The following ANK3 variants were observed in gnomAD, a reference collection of about 807,000 sequenced individuals.
The protein encoded by ANK3 is ankyrin-3.
Under a neutral mutation model 370.9 loss-of-function variants are expected in ANK3, and 57 were observed. That is an observed-to-expected ratio of 0.15 (90% CI 0.12 to 0.19). The LOEUF is 0.19. ANK3 is among the 10% of genes least tolerant of loss of function. The pLI, the probability that ANK3 is intolerant of heterozygous loss-of-function variation, is 1.00. For missense variants in ANK3, 4,439 were observed against 5,302.1 expected (o/e 0.84, Z 5.06); for synonymous variants, 1,929 against 1,946.3 (o/e 0.99, Z 0.23).
intron 2 of ANK3, among the ~76,000 whole-genome samples, chr10:60,573,904 G>C (rs1347113482): frequency 1.3e-5 from 2 of 152,106 alleles, no homozygotes; most frequent in Non-Finnish European, 2.9e-5. Flanking sequence ...AATCATATCA[G>C]TTCCACACAC....
At chr10:60,652,765 C>G (rs1007815615) in intron 1 of ANK3, among the ~76,000 whole-genome samples, 3 of 150,296 alleles carry the variant, frequency 2.0e-5, no homozygotes, top group African/African-American at 2.4e-5. Flanking sequence ...AACTTTGAAC[C>G]AGGAAGTAGT....
At chr10:60,346,228 C>G (rs1332660150) in intron 1 of ANK3, among the ~76,000 whole-genome samples, 3 of 151,788 alleles carry the variant, frequency 2.0e-5, no homozygotes, top group Non-Finnish European at 4.4e-5. Context: ...AATGCAAAAG[C>G]CACAGGGAAT....
chr10:60,333,528 T>C (rs2051957550), intron 1 of ANK3, among the ~76,000 whole-genome samples: 1 of 152,216 alleles, frequency 6.6e-6, no homozygotes, highest in Admixed American at 6.5e-5. Context: ...ATGTGGCATA[T>C]TTTGTTTAAC....
intron 1 of ANK3, among the ~76,000 whole-genome samples, chr10:60,625,723 T>C (rs1048330095): frequency 2.6e-5 from 4 of 152,176 alleles, no homozygotes; most frequent in African/African-American, 9.6e-5. Context: ...TCATGTAGTT[T>C]TGTTTTATTT....
intron 1 of ANK3, among the ~76,000 whole-genome samples, chr10:60,292,251 T>C (rs552593633): frequency 9.3e-4 from 141 of 152,318 alleles, no homozygotes; most frequent in African/African-American, 3.3e-3. Context: ...AAGTATGTTT[T>C]GCAGGTGTAT....
intron 8 of ANK3, among the ~76,000 whole-genome samples, chr10:60,225,963 T>C (rs944974159): frequency 4.7e-5 from 7 of 148,928 alleles, no homozygotes; most frequent in African/African-American, 1.7e-4. Flanking sequence ...TTTAACTTAC[T>C]AGTGTGAATA....
chr10:60,668,752 G>C (rs1017632868), intron 1 of ANK3, among the ~76,000 whole-genome samples: 1 of 152,100 alleles, frequency 6.6e-6, no homozygotes, highest in African/African-American at 2.4e-5. Flanking sequence ...CCAGCACTTT[G>C]GGAGGCTGAG....
intron 1 of ANK3, among the ~76,000 whole-genome samples, chr10:60,287,905 TTG>T (rs2040396692): frequency 6.6e-6 from 1 of 152,182 alleles, no homozygotes; most frequent in Non-Finnish European, 1.5e-5. Flanking sequence ...GTTTAATAGA[TTG>T]CTGTTTTATA....
In ANK3 at chr10:60,071,478, T is replaced by C. The variant is rs1478564654; in HGVS notation, c.9403A>G (p.Thr3135Ala). 6.2e-7 allele frequency: 1 copy of C among 1,613,954 alleles called. No homozygotes were observed. Among genetic ancestry groups the C allele is most frequent in the Admixed American group, 1.7e-5 (1 of 59,986 alleles). The change falls in exon 37 of 44, where the codon ACT (threonine) becomes GCT (alanine). Residue 3135 changes from threonine to alanine, a missense_variant. Coordinates refer to ENST00000280772, the MANE Select transcript of ANK3 (RefSeq NM_020987.5). ...VQETRGTFYT[T>A]RQQKQPPSPQ... The stretch of plus-strand genomic sequence containing the variant: ...GAAGGAGGTTGCTTTTGCTGTCTAG[T>C]TGTATAAAAGGTCCCCCTGGTTTCT...
intron 2 of ANK3, among the ~76,000 whole-genome samples, chr10:60,481,190 A>G (rs1190465948): frequency 6.6e-6 from 1 of 152,190 alleles, no homozygotes; most frequent in Non-Finnish European, 1.5e-5. Flanking sequence ...CTGTTTGTCA[A>G]ACAGTAGCAA....
intron 18 of ANK3, among the ~76,000 whole-genome samples, chr10:60,176,870 T>C (rs1289518153): frequency 6.6e-6 from 1 of 152,218 alleles, no homozygotes; most frequent in Non-Finnish European, 1.5e-5. Context: ...CTTATAGACA[T>C]ATTTTTATGT....
intron 2 of ANK3, among the ~76,000 whole-genome samples, chr10:60,463,874 A>G (rs562254990): frequency 4.6e-5 from 7 of 152,178 alleles, no homozygotes; most frequent in African/African-American, 1.7e-4. Flanking sequence ...CTTTTTGTAT[A>G]TCATGCTCCA....
At position 60,109,013 on chromosome 10, in the gene ANK3, A is replaced by C; in HGVS notation, c.2990T>G (p.Met997Arg). ...SFMVDARGGS[M>R]RGSRHHGMRI... The stretch of plus-strand genomic sequence containing the variant: ...CATCCCGTGATGACGGCTTCCTCTC[A>C]TGGAGCCCCCTCTCGCGTCCACCAT... The change falls in exon 27 of 44, where the codon ATG becomes AGG. Residue 997 changes from methionine to arginine, a missense_variant. By Grantham distance (91) the Met-to-Arg change is moderately conservative. Transcript: ENST00000280772. The C allele has an allele frequency of 6.2e-7, 1 of 1,613,848 alleles. No homozygotes were observed. The highest frequency in any genetic ancestry group is 2.2e-5 in the East Asian group (1 of 44,862).
intron 2 of ANK3, among the ~76,000 whole-genome samples, chr10:60,544,738 A>G (rs755589051): frequency 1.3e-5 from 2 of 152,124 alleles, no homozygotes; most frequent in Non-Finnish European, 1.5e-5. Context: ...TGTCTTGATC[A>G]TTTTGTTTGT....
At chr10:60,034,198 C>T (rs769370073) in intron 43 of ANK3, among the ~76,000 whole-genome samples, 3 of 151,248 alleles carry the variant, frequency 2.0e-5, no homozygotes, top group Non-Finnish European at 4.4e-5. Flanking sequence ...CCTCCACCTC[C>T]CGGGCTCCAG....
chr10:60,670,523 A>G (rs146560214), intron 1 of ANK3, among the ~76,000 whole-genome samples: 148 of 152,168 alleles, frequency 9.7e-4, no homozygotes, highest in African/African-American at 3.3e-3. Flanking sequence ...GATTACTGCA[A>G]TAGGTTTCTC....
intron 23 of ANK3, chr10:60,140,901 A>G (rs1255564529): frequency 1.0e-6 from 1 of 985,816 alleles, no homozygotes; most frequent in East Asian, 1.1e-4. Context: ...CTTCTCAAAT[A>G]TGAATGAAGA....
At chr10:60,541,037 T>A (rs1265015470) in intron 2 of ANK3, among the ~76,000 whole-genome samples, 1 of 151,720 alleles carries the variant, frequency 6.6e-6, no homozygotes, top group East Asian at 1.9e-4. Flanking sequence ...TAATGGAACA[T>A]CAAATAGTTA....
intron 28 of ANK3, among the ~76,000 whole-genome samples, chr10:60,095,218 T>C (rs1459721456): frequency 2.0e-5 from 3 of 152,248 alleles, no homozygotes; most frequent in East Asian, 3.8e-4. Context: ...ATGTTTGATA[T>C]TGAGACCCGG....
Sources: gnomAD v4.1 joint callset for allele counts (sites outside exome capture counted in the v4.1 genomes callset) on GRCh38, gnomAD v4.1.1 for gene constraint, MANE v1.5 for transcripts, NCBI Gene and HGNC (gene_info 2026-07-23, HGNC 2026-07-21) for gene names.